The following CAMKMT variants were observed in gnomAD, a reference collection of about 807,000 sequenced individuals.
CAMKMT encodes CaM KMT.
In CAMKMT, 53 loss-of-function variants were observed where a neutral mutation model predicts 48.0. The observed-to-expected ratio is 1.10, with a 90% CI of 0.89 to 1.39. The LOEUF (loss-of-function observed/expected upper bound fraction) is 1.39, where lower values mean the gene tolerates loss of function less well. Ranked by LOEUF, CAMKMT falls within the 40% of genes most tolerant of loss-of-function variation. The probability of loss-of-function intolerance (pLI) is 0.00; values close to 1 mark genes in which losing one functional copy is unlikely to be tolerated. For missense variants in CAMKMT, 428 were observed against 402.7 expected (o/e 1.06, Z -0.54); for synonymous variants, 165 against 152.3 (o/e 1.08, Z -0.61).
intron 3 of CAMKMT, among the ~76,000 whole-genome samples, chr2:44,587,679 C>G (rs1263996630): frequency 7.8e-6 from 1 of 127,620 alleles, no homozygotes; most frequent in Non-Finnish European, 1.7e-5. Context: ...CGGGGTTTTG[C>G]TGTGTTGGCC....
intron 7 of CAMKMT, among the ~76,000 whole-genome samples, chr2:44,716,908 A>C (rs950554431): frequency 1.3e-5 from 2 of 152,214 alleles, no homozygotes; most frequent in Non-Finnish European, 2.9e-5. Flanking sequence ...TTTACAAGAC[A>C]TAATGTTGTT....
intron 8 of CAMKMT, 74 bp downstream of exon 8, chr2:44,743,770 A>G: frequency 6.9e-6 from 8 of 1,152,664 alleles, no homozygotes; most frequent in Non-Finnish European, 8.9e-6. Flanking sequence ...TGTGTTGCTT[A>G]GCTGACGGCT....
At chr2:44,549,260 C>G (rs1042519755) in intron 3 of CAMKMT, among the ~76,000 whole-genome samples, 2 of 152,204 alleles carry the variant, frequency 1.3e-5, no homozygotes, top group Admixed American at 6.5e-5. Context: ...GCTCTGTCCA[C>G]TTCTTTGGGC....
chr2:44,596,448 C>T (rs922077373), intron 3 of CAMKMT, among the ~76,000 whole-genome samples: 6 of 149,444 alleles, frequency 4.0e-5, no homozygotes, highest in Non-Finnish European at 8.9e-5. Context: ...GACTCTGTCT[C>T]AAAAAAAGAA....
intron 2 of CAMKMT, among the ~76,000 whole-genome samples, chr2:44,380,461 A>G (rs185449288): frequency 6.6e-6 from 1 of 152,318 alleles, no homozygotes; most frequent in Non-Finnish European, 1.5e-5. Flanking sequence ...TTACTAGCGA[A>G]CCACAGAGAT....
intron 3 of CAMKMT, among the ~76,000 whole-genome samples, chr2:44,525,241 G>A (rs561001713): frequency 6.6e-6 from 1 of 152,094 alleles, no homozygotes; most frequent in Non-Finnish European, 1.5e-5. Context: ...TTATAAAATT[G>A]TCCTAAAATT....
chr2:44,446,588 C>T (rs550323150), intron 3 of CAMKMT, among the ~76,000 whole-genome samples: 7 of 152,210 alleles, frequency 4.6e-5, no homozygotes, highest in Admixed American at 1.3e-4. Flanking sequence ...TCAAGTGATC[C>T]ACCCACCTCT....
At chr2:44,670,821 C>G (rs376069045) in intron 3 of CAMKMT, among the ~76,000 whole-genome samples, 4 of 152,184 alleles carry the variant, frequency 2.6e-5, no homozygotes, top group Non-Finnish European at 5.9e-5. Flanking sequence ...CTTTAAGAAA[C>G]GCTGCCTCAG....
chr2:44,513,665 T>C (rs953264314), intron 3 of CAMKMT, among the ~76,000 whole-genome samples: 2 of 152,210 alleles, frequency 1.3e-5, no homozygotes, highest in African/African-American at 4.8e-5. Context: ...CTTACTTCTC[T>C]TTCCCTTCTT....
intron 1 of CAMKMT, among the ~76,000 whole-genome samples, chr2:44,367,066 A>G (rs1678672481): frequency 6.6e-6 from 1 of 152,158 alleles, no homozygotes; most frequent in Non-Finnish European, 1.5e-5. Flanking sequence ...TAGCTTCCGC[A>G]TGTAAAGGAT....
At chr2:44,487,744 G>A (rs1462348343) in intron 3 of CAMKMT, among the ~76,000 whole-genome samples, 1 of 152,178 alleles carries the variant, frequency 6.6e-6, no homozygotes, top group African/African-American at 2.4e-5. Context: ...GCATTCAAAT[G>A]GATAGTCAGA....
intron 3 of CAMKMT, among the ~76,000 whole-genome samples, chr2:44,515,344 A>C (rs953545192): frequency 6.6e-6 from 1 of 152,112 alleles, no homozygotes; most frequent in South Asian, 2.1e-4. Flanking sequence ...TTTGGGTATA[A>C]AGGGACTTGT....
intron 3 of CAMKMT, among the ~76,000 whole-genome samples, chr2:44,631,036 G>T (rs1672782592): frequency 6.6e-6 from 1 of 152,000 alleles, no homozygotes; most frequent in African/African-American, 2.4e-5. Context: ...AGAAAATGTG[G>T]CATGTATACA....
chr2:44,393,100 A>G (rs1051095760), intron 3 of CAMKMT, among the ~76,000 whole-genome samples: 2 of 152,200 alleles, frequency 1.3e-5, no homozygotes, highest in African/African-American at 4.8e-5. Context: ...TTCATTTTGA[A>G]TATCAGGGGA....
chr2:44,365,973 T>C (rs1306425308), intron 1 of CAMKMT, among the ~76,000 whole-genome samples: 1 of 152,262 alleles, frequency 6.6e-6, no homozygotes, highest in Non-Finnish European at 1.5e-5. Flanking sequence ...GTAATAACGA[T>C]ACATATTCCA....
intron 6 of CAMKMT, among the ~76,000 whole-genome samples, chr2:44,710,107 T>TTA (rs1419219502): frequency 6.8e-6 from 1 of 147,974 alleles, no homozygotes; most frequent in African/African-American, 2.5e-5. Context: ...TACCTTTTTT[T>TTA]AAAAAAAAAA....
At chr2:44,752,391 G>A (rs1256979966) in intron 8 of CAMKMT, among the ~76,000 whole-genome samples, 1 of 152,126 alleles carries the variant, frequency 6.6e-6, no homozygotes, top group Non-Finnish European at 1.5e-5. Context: ...GCCTCTAGCA[G>A]CTTTGCTTTC....
At chr2:44,763,961 T>C (rs343935) in intron 9 of CAMKMT, among the ~76,000 whole-genome samples, 20,065 of 152,154 alleles carry the variant, frequency 0.13, 1,462 homozygotes, top group South Asian at 0.19. Flanking sequence ...ACAGCTTCCA[T>C]TATTCAAAAA....
At chr2:44,648,350 AT>A (rs941711391) in intron 3 of CAMKMT, among the ~76,000 whole-genome samples, 1 of 152,108 alleles carries the variant, frequency 6.6e-6, no homozygotes, top group Admixed American at 6.5e-5. Context: ...CTTTTTAATA[AT>A]TTTTTCCCCA....
Sources: gnomAD v4.1 joint callset for allele counts (sites outside exome capture counted in the v4.1 genomes callset) on GRCh38, gnomAD v4.1.1 for gene constraint, MANE v1.5 for transcripts, NCBI Gene and HGNC (gene_info 2026-07-23, HGNC 2026-07-21) for gene names.